The following MFSD2B variants were observed in gnomAD, a reference collection of about 807,000 sequenced individuals.
The protein encoded by MFSD2B is sphingosine-1-phosphate transporter MFSD2B.
A neutral mutation model predicts 58.4 loss-of-function variants in MFSD2B; 56 were observed. That is an observed-to-expected ratio of 0.96 (90% CI 0.77 to 1.20). The LOEUF is 1.20. Ranked by LOEUF, MFSD2B falls within the 50% of genes most tolerant of loss-of-function variation. The probability of loss-of-function intolerance (pLI) is 0.00; values close to 1 mark genes in which losing one functional copy is unlikely to be tolerated. For synonymous variants in MFSD2B, 287 were observed against 294.4 expected (o/e 0.97, Z 0.26); for missense variants, 645 against 667.6 (o/e 0.97, Z 0.37).
Position 24,021,529 on chromosome 2 carries a change from T to C in MFSD2B, c.682-119T>C. On this transcript the variant is annotated intron_variant, in intron 6 of 13. Transcript: ENST00000338315. The surrounding 1 kb of genome is among the most constrained non-coding windows in gnomAD (Gnocchi z 5.7). ...ATTGGGAGGTGGGGACCCAGCGTCC[T>C]GGGCTTGGGTTGTGCCTCCCTCCGC... The C allele has an allele frequency of 1.1e-6, 1 of 878,270 alleles. No individual in the cohort carries two copies. Among genetic ancestry groups the C allele is most frequent in the South Asian group, 1.6e-5 (1 of 62,484 alleles). The allele number at this position is 878,270 out of a possible 1,614,324, so 54.4% of individuals were successfully genotyped here.
At chr2:24,025,214 G>C (rs1662940325) in intron 13 of MFSD2B, among the ~76,000 whole-genome samples, 1 of 152,240 alleles carries the variant, frequency 6.6e-6, no homozygotes, top group African/African-American at 2.4e-5. Flanking sequence ...CTGAGGGCAT[G>C]CTTCCCAGTC....
In MFSD2B at chr2:24,022,733, A is replaced by G; in HGVS notation, c.979-89A>G. The G allele has an allele frequency of 9.7e-7, 1 of 1,029,610 alleles. No individual in the cohort carries two copies. Among genetic ancestry groups the G allele is most frequent in the African/African-American group, 1.6e-5 (1 of 61,700 alleles). 63.8% of individuals were successfully genotyped at this position (1,029,610 alleles called of 1,614,324 possible). A position where few individuals can be genotyped will look rare whatever the true frequency, so the allele number is the denominator to read the frequency against. ...TTGAACCAGGGGCAAGGCCAAGGTC[A>G]GGCATCCAATCTAAAAGCCAAGGCC... On this transcript the variant is annotated intron_variant, in intron 9 of 13. Coordinates refer to ENST00000338315, the MANE Select transcript of MFSD2B (RefSeq NM_001346880.2). This position sits in a 1 kb window ranked among gnomAD's most constrained non-coding sequence, Gnocchi z 4.5.
intron 2 of MFSD2B, among the ~76,000 whole-genome samples, chr2:24,015,257 A>C (rs1709096909): frequency 6.6e-6 from 1 of 151,824 alleles, no homozygotes; most frequent in African/African-American, 2.4e-5. Flanking sequence ...GCAACATGGC[A>C]AAACTCCACC....
chr2:24,023,255 G>A lies in MFSD2B; in HGVS notation c.1169+16G>A, dbSNP rs1196941699. ...TGCTACCCTGGTAGGCTGGGTGTGG[G>A]GGCCTCACGTGTGTCCACAGTGGGT... On this transcript the variant is annotated intron_variant, in intron 11 of 13. Transcript: ENST00000338315. The surrounding 1 kb of genome is among the most constrained non-coding windows in gnomAD (Gnocchi z 5.0). The A allele has an allele frequency of 1.9e-6, 3 of 1,598,212 alleles. No homozygotes were observed. The highest frequency in any genetic ancestry group is 2.2e-5 in the East Asian group (1 of 44,816).
chr2:24,023,687 C>A lies in MFSD2B; in HGVS notation c.1274C>A (p.Ser425Tyr). ...YSSYVFFTKL[S>Y]GACALGISTL... ...TCCTACGTCTTCTTCACCAAGCTGT[C>A]TGGCGCATGTGCCCTGGGCATCTCC... The change falls in exon 12 of 14, where the codon TCT (serine) becomes TAT (tyrosine). Residue 425 changes from serine (S) to tyrosine (Y), a missense_variant. By Grantham distance (144) the Ser-to-Tyr change is moderately radical. Coordinates refer to ENST00000338315, the MANE Select transcript of MFSD2B (RefSeq NM_001346880.2). This position sits in a 1 kb window ranked among gnomAD's most constrained non-coding sequence, Gnocchi z 5.0. The A allele has an allele frequency of 6.2e-7, 1 of 1,613,968 alleles. No homozygotes were observed. The highest frequency in any genetic ancestry group is 8.5e-7 in the Non-Finnish European group (1 of 1,179,848).
Position 24,023,033 on chromosome 2 carries a change from A to T in MFSD2B, c.1060-97A>T. Reference sequence around the variant, plus strand: ...CCCTTGAGTCTTTAGGGCCTAGCACAGGGCAAGGCATGGGGGTCGTCAGTC... The same window carrying T: ...CCCTTGAGTCTTTAGGGCCTAGCACTGGGCAAGGCATGGGGGTCGTCAGTC... On this transcript the variant is annotated intron_variant, in intron 10 of 13. Transcript: ENST00000338315. This position sits in a 1 kb window ranked among gnomAD's most constrained non-coding sequence, Gnocchi z 5.0. 7.5e-7 allele frequency: 1 copy of T among 1,336,124 alleles called. No homozygotes were observed. Among genetic ancestry groups the T allele is most frequent in the Non-Finnish European group, 1.1e-6 (1 of 936,452 alleles). The allele number at this position is 1,336,124 out of a possible 1,614,324, so 82.8% of individuals were successfully genotyped here.
At position 24,022,105 on chromosome 2, in the gene MFSD2B, G is replaced by C; in HGVS notation, c.894+135G>C. The C allele has an allele frequency of 9.3e-7, 1 of 1,072,004 alleles. No homozygotes were observed. Among genetic ancestry groups the C allele is most frequent in the East Asian group, 2.4e-5 (1 of 42,100 alleles). 66.4% of individuals were successfully genotyped at this position (1,072,004 alleles called of 1,614,324 possible). A position where few individuals can be genotyped will look rare whatever the true frequency, so the allele number is the denominator to read the frequency against. On this transcript the variant is annotated intron_variant, in intron 8 of 13. Transcript: ENST00000338315. This position sits in a 1 kb window ranked among gnomAD's most constrained non-coding sequence, Gnocchi z 4.5. ...CACATGGCTCAGAGGGGCTGGTGCC[G>C]GGAGGGAGATCCCGGTAGGGCTTGT...
chr2:24,022,595 A>G lies in MFSD2B; in HGVS notation c.978+79A>G. On this transcript the variant is annotated intron_variant, in intron 9 of 13. Coordinates refer to ENST00000338315, the MANE Select transcript of MFSD2B (RefSeq NM_001346880.2). This position sits in a 1 kb window ranked among gnomAD's most constrained non-coding sequence, Gnocchi z 4.5. The stretch of plus-strand genomic sequence containing the variant: ...ACATGTGTGGTCCTTGATGTGACAC[A>G]TATGGCCAGAGTTCTGGTGGTCAAC... 1.7e-6 allele frequency: 2 copies of G among 1,201,250 alleles called. No homozygotes were observed. Among genetic ancestry groups the G allele is most frequent in the Admixed American group, 4.5e-5 (2 of 44,262 alleles). The allele number at this position is 1,201,250 out of a possible 1,614,324, so 74.4% of individuals were successfully genotyped here.
Position 24,012,172 on chromosome 2 carries a change from A to G in MFSD2B, c.97-1113A>G, listed in dbSNP as rs1558318799. ...ACAAAACACACACACACACACACAC[A>G]CACACACAAAAACAGACAAAAAAAC... On this transcript the variant is annotated intron_variant, in intron 1 of 13. Transcript: ENST00000338315. This position sits in a 1 kb window ranked among gnomAD's most constrained non-coding sequence, Gnocchi z 4.5. Among the ~76,000 whole-genome samples, 1 of 44,354 alleles carries G rather than the reference A, an allele frequency of 2.3e-5. No individual in the cohort carries two copies. The highest frequency in any genetic ancestry group is 5.7e-5 in the Non-Finnish European group (1 of 17,666). 29.1% of individuals were successfully genotyped at this position (44,354 alleles called of 152,430 possible).
At position 24,016,961 on chromosome 2, in the gene MFSD2B, TG is replaced by T; in HGVS notation, c.466del (p.Ala156ProfsTer15). The T allele has an allele frequency of 1.9e-6, 3 of 1,613,806 alleles. No individual in the cohort carries two copies. Among genetic ancestry groups the T allele is most frequent in the South Asian group, 1.1e-5 (1 of 91,092 alleles). ...ACTTTCTACTGCCTGTTCCAGGCCC[TG>T]GCCACGGTAAGCAGGGCCCCTTCCT... ...YTTFYCLFQA[L>X]ATFFQVPYTA... On this transcript the variant is annotated frameshift_variant, in exon 4 of 14. Transcript: ENST00000338315. LOFTEE classifies it high-confidence loss of function.
At chr2:24,018,604 C>T in intron 6 of MFSD2B, 1 of 182,422 alleles carries the variant, frequency 5.5e-6, no homozygotes, top group Non-Finnish European at 1.2e-5. Context: ...GGTGTAGGGG[C>T]CACCTCCTCC....
rs774639664 is a variant in MFSD2B, at chr2:24,021,737, A to G, written c.771A>G (p.Pro257=). 14 of 1,613,232 alleles carry G rather than the reference A, an allele frequency of 8.7e-6. No individual in the cohort carries two copies. The highest frequency in any genetic ancestry group is 1.1e-5 in the Non-Finnish European group (13 of 1,179,646). Residue 257 remains proline (P), a splice_region_variant and synonymous_variant, in exon 7 of 14, where the codon CCA becomes CCG. Transcript: ENST00000338315. The surrounding 1 kb of genome is among the most constrained non-coding windows in gnomAD (Gnocchi z 5.7). ...SLLCLGVKER[P]DPSAPASGPG... Reference sequence around the variant, plus strand: ...TGTGCCTAGGGGTGAAGGAGCGGCCAGGTATGGGGTTTGGTGAGGAGGGAA... The same window carrying G: ...TGTGCCTAGGGGTGAAGGAGCGGCCGGGTATGGGGTTTGGTGAGGAGGGAA...
chr2:24,017,343 C>T lies in MFSD2B; in HGVS notation c.529C>T (p.Arg177Trp), dbSNP rs368293910. 14 of 1,605,206 alleles carry T rather than the reference C, an allele frequency of 8.7e-6. No individual in the cohort carries two copies. Among genetic ancestry groups the T allele is most frequent in the East Asian group, 2.3e-5 (1 of 44,406 alleles). ...GCTGCTGACTCCCTGCCCAAGGGAG[C>T]GGGACTCGGCCACCGCCTACCGTGA... ...TMLLTPCPRE[R>W]DSATAYRMTV... The change falls in exon 5 of 14, where the codon CGG becomes TGG. Residue 177 changes from arginine to tryptophan, a missense_variant. Coordinates refer to ENST00000338315, the MANE Select transcript of MFSD2B (RefSeq NM_001346880.2). This position sits in a 1 kb window ranked among gnomAD's most constrained non-coding sequence, Gnocchi z 4.8.
Position 24,020,902 on chromosome 2 carries a change from A to AT in MFSD2B, c.682-741dup, listed in dbSNP as rs1195681497. On this transcript the variant is annotated intron_variant, in intron 6 of 13. Transcript: ENST00000338315. The surrounding 1 kb of genome is among the most constrained non-coding windows in gnomAD (Gnocchi z 4.1). ...TATTAATTTTTTATTTTTATTTTTT[A>AT]TTTTTCCTTTTGAGATGAGAGTCTC... is the stretch of plus-strand genomic sequence containing the variant. 6.9e-6 allele frequency among the ~76,000 whole-genome samples: 1 copy of AT among 145,556 alleles called. No individual in the cohort carries two copies. The highest frequency in any genetic ancestry group is 2.6e-5 in the African/African-American group (1 of 39,100).
At chr2:24,025,339 G>T in intron 13 of MFSD2B, 93 bp from the exon 14 acceptor site, 1 of 1,130,452 alleles carries the variant, frequency 8.8e-7, no homozygotes, top group South Asian at 1.3e-5. Context: ...GGAAGACAAG[G>T]AGCAGCCACC....
In MFSD2B at chr2:24,022,913, C is replaced by T. The variant is rs767651863; in HGVS notation, c.1059+11C>T. The T allele has an allele frequency of 3.7e-6, 6 of 1,603,974 alleles. No individual in the cohort carries two copies. The South Asian group carries it at 5.6e-5, about 15-fold the overall frequency. ...GCCTTTGGGATCTTTGTGAGTGAGG[C>T]GGGAATCAAGGATTGGGGGTGGCCG... On this transcript the variant is annotated intron_variant, in intron 10 of 13. Transcript: ENST00000338315. This position sits in a 1 kb window ranked among gnomAD's most constrained non-coding sequence, Gnocchi z 4.5.
chr2:24,013,543 G>C (rs1709031108), intron 2 of MFSD2B, 133 bp downstream of exon 2: 2 of 902,736 alleles, frequency 2.2e-6, no homozygotes, highest in Non-Finnish European at 1.6e-6. Context: ...AAAGCCAGAA[G>C]CCAATGAGGG....
chr2:24,023,597 A>T lies in MFSD2B; in HGVS notation c.1184A>T (p.Asp395Val). Residue 395 changes from aspartate to valine, a missense_variant, in exon 12 of 14, where the codon GAC becomes GTC. Transcript: ENST00000338315. This position sits in a 1 kb window ranked among gnomAD's most constrained non-coding sequence, Gnocchi z 5.0. ...SLLLPWSMLP[D>V]VVDDFQLQHR... ...CCCCGCCGCAGGTCCATGCTGCCAG[A>T]CGTGGTGGATGACTTTCAGCTGCAG... 6.2e-7 allele frequency: 1 copy of T among 1,613,866 alleles called. No homozygotes were observed. The highest frequency in any genetic ancestry group is 8.5e-7 in the Non-Finnish European group (1 of 1,179,800).
At chr2:24,025,181 T>G (rs1051904155) in intron 13 of MFSD2B, among the ~76,000 whole-genome samples, 1 of 152,190 alleles carries the variant, frequency 6.6e-6, no homozygotes, top group Non-Finnish European at 1.5e-5. Context: ...GGTGACGGCC[T>G]CGGGCTCTGC....
Sources: allele counts gnomAD v4.1 joint callset (sites outside exome capture counted in the v4.1 genomes callset), GRCh38; gene constraint gnomAD v4.1.1; non-coding constraint Gnocchi (gnomAD v3.1); transcripts MANE v1.5; gene names NCBI Gene and HGNC (gene_info 2026-07-23, HGNC 2026-07-21).